The following MYLK variants were observed in gnomAD, a reference collection of about 807,000 sequenced individuals.
The protein encoded by MYLK is myosin light chain kinase.
MYLK carries 106 observed loss-of-function variants against 203.4 expected under a neutral mutation model. The ratio of observed to expected loss-of-function variants is 0.52; its 90% CI spans 0.45 to 0.61. The LOEUF is 0.61. MYLK is among the 20% of genes least tolerant of loss of function. The pLI is 0.00. For missense variants in MYLK, 2,072 were observed against 2,442.3 expected (o/e 0.85, Z 3.20); for synonymous variants, 867 against 959.5 (o/e 0.90, Z 1.78).
chr3:123,789,391 G>A (rs1338565462), intron 4 of MYLK, among the ~76,000 whole-genome samples: 1 of 152,162 alleles, frequency 6.6e-6, no homozygotes, highest in Admixed American at 6.5e-5. Context: ...GGTGTTAGAA[G>A]TGTGCTCAGG....
chr3:123,747,293 T>A (rs968380946), intron 5 of MYLK, among the ~76,000 whole-genome samples: 9 of 152,152 alleles, frequency 5.9e-5, no homozygotes, highest in Admixed American at 5.9e-4. Flanking sequence ...ACAGTCTAGG[T>A]GACCTGCTGG....
Position 123,737,372 on chromosome 3 carries a change from C to A in MYLK, c.754+6G>T. The A allele has an allele frequency of 6.2e-7, 1 of 1,614,094 alleles. No individual in the cohort carries two copies. Among genetic ancestry groups the A allele is most frequent in the South Asian group, 1.1e-5 (1 of 91,042 alleles). On this transcript the variant is annotated splice_donor_region_variant and intron_variant, in intron 8 of 33. Coordinates refer to ENST00000360304, the MANE Select transcript of MYLK (RefSeq NM_053025.4). ...CGTTCTGCACTAGCCGTCCACTGGT[C>A]GATACCTTGGATGGAAAGTTCAGCT...
chr3:123,696,540 G>A (rs2060934742), intron 18 of MYLK, among the ~76,000 whole-genome samples: 1 of 151,756 alleles, frequency 6.6e-6, no homozygotes, highest in Admixed American at 6.6e-5. Context: ...CACGACCACT[G>A]AGACCCCAGC....
chr3:123,865,756 A>G (rs1205169724), intron 2 of MYLK, among the ~76,000 whole-genome samples: 1 of 152,166 alleles, frequency 6.6e-6, no homozygotes, highest in Non-Finnish European at 1.5e-5. Context: ...ACATGGTCTC[A>G]AAATCTTTGA....
At position 123,708,689 on chromosome 3, in the gene MYLK, C is replaced by T. The variant is rs1318357711; in HGVS notation, c.2140+9G>A. The stretch of plus-strand genomic sequence containing the variant: ...TCCTTCCCACTCGCTCTGAGTGGGT[C>T]AGCCTCACCTTGTACCGTGAGCACG... On this transcript the variant is annotated intron_variant, in intron 15 of 33. Transcript: ENST00000360304. The T allele has an allele frequency of 1.2e-6, 2 of 1,613,960 alleles. No homozygotes were observed. The highest frequency in any genetic ancestry group is 1.7e-6 in the Non-Finnish European group (2 of 1,180,018).
intron 24 of MYLK, among the ~76,000 whole-genome samples, chr3:123,656,516 G>A (rs1285873773): frequency 6.6e-6 from 1 of 152,092 alleles, no homozygotes; most frequent in Non-Finnish European, 1.5e-5. Flanking sequence ...GTTTCCTCTT[G>A]TAGAGTGCCT....
intron 20 of MYLK, among the ~76,000 whole-genome samples, chr3:123,671,210 C>A (rs1393766117): frequency 6.6e-6 from 1 of 152,182 alleles, no homozygotes; most frequent in Non-Finnish European, 1.5e-5. Flanking sequence ...ATTAGGAGTA[C>A]AAGATTAATA....
At chr3:123,854,284 C>A (rs369220868) in intron 2 of MYLK, among the ~76,000 whole-genome samples, 1 of 151,712 alleles carries the variant, frequency 6.6e-6, no homozygotes, top group Non-Finnish European at 1.5e-5. Flanking sequence ...TGTAGCCTAA[C>A]CCTCTGGGTA....
chr3:123,857,467 A>G (rs1159500083), intron 2 of MYLK, among the ~76,000 whole-genome samples: 1 of 152,084 alleles, frequency 6.6e-6, no homozygotes, highest in Non-Finnish European at 1.5e-5. Flanking sequence ...CTATGCAGCC[A>G]TAAAAAATAA....
At chr3:123,878,455 C>G (rs1314971738) in intron 1 of MYLK, among the ~76,000 whole-genome samples, 2 of 152,194 alleles carry the variant, frequency 1.3e-5, no homozygotes, top group East Asian at 3.9e-4. Flanking sequence ...CTGAAGCAGA[C>G]AGATGGCAGT....
chr3:123,656,697 A>G (rs2059398229), intron 24 of MYLK, among the ~76,000 whole-genome samples: 1 of 152,002 alleles, frequency 6.6e-6, no homozygotes, highest in African/African-American at 2.4e-5. Flanking sequence ...ATCCCTTCTC[A>G]TTATAGTTAG....
intron 20 of MYLK, among the ~76,000 whole-genome samples, chr3:123,669,333 C>G (rs1457593560): frequency 4.6e-5 from 7 of 152,120 alleles, no homozygotes; most frequent in African/African-American, 1.4e-4. Context: ...ACACGACTAA[C>G]CTGGGTACTG....
chr3:123,616,716 C>T (rs1241401235), intron 33 of MYLK: 4 of 152,076 alleles, frequency 2.6e-5, no homozygotes, highest in Non-Finnish European at 5.9e-5. Context: ...TGAGTTATTG[C>T]TCTGTCATTT....
At chr3:123,791,603 G>A (rs1273598986) in intron 4 of MYLK, among the ~76,000 whole-genome samples, 1 of 152,194 alleles carries the variant, frequency 6.6e-6, no homozygotes, top group Non-Finnish European at 1.5e-5. Flanking sequence ...GTGCTGCCAA[G>A]GCATTGTTCT....
chr3:123,632,254 A>T (rs1576373351), intron 29 of MYLK, among the ~76,000 whole-genome samples: 2 of 150,338 alleles, frequency 1.3e-5, no homozygotes, highest in African/African-American at 4.9e-5. Context: ...TGTGACCCCG[A>T]CCCCCACGTG....
intron 26 of MYLK, among the ~76,000 whole-genome samples, chr3:123,647,741 G>C (rs2059071522): frequency 6.6e-6 from 1 of 151,046 alleles, no homozygotes; most frequent in African/African-American, 2.4e-5. Context: ...TTTTAGAGAT[G>C]GGGTCTCGCT....
intron 4 of MYLK, among the ~76,000 whole-genome samples, chr3:123,779,482 C>G (rs1354185911): frequency 6.6e-6 from 1 of 152,204 alleles, no homozygotes; most frequent in African/African-American, 2.4e-5. Flanking sequence ...CCAAGTTCTT[C>G]ACACTCCACA....
At chr3:123,852,626 CTTT>C (rs2030943035) in intron 2 of MYLK, among the ~76,000 whole-genome samples, 1 of 151,988 alleles carries the variant, frequency 6.6e-6, no homozygotes, top group African/African-American at 2.4e-5. Context: ...CTCTTTTCTT[CTTT>C]ATTAGTCTCG....
At chr3:123,708,080 G>T (rs1016980745) in intron 15 of MYLK, 77 bp from the exon 16 acceptor site, 80 of 1,584,478 alleles carry the variant, frequency 5.0e-5, no homozygotes, top group Non-Finnish European at 6.2e-5. Flanking sequence ...CCATGGAGGT[G>T]AAGGATGGGA....
Sources: gnomAD v4.1 joint callset for allele counts (sites outside exome capture counted in the v4.1 genomes callset) on GRCh38, gnomAD v4.1.1 for gene constraint, MANE v1.5 for transcripts, NCBI Gene and HGNC (gene_info 2026-07-23, HGNC 2026-07-21) for gene names.